CPNE4: variants seen among roughly 807,000 people sequenced by gnomAD.
CPNE4 encodes copine 4.
Under a neutral mutation model 67.9 loss-of-function variants are expected in CPNE4, and 25 were observed. The observed-to-expected ratio is 0.37, with a 90% CI of 0.27 to 0.51. CPNE4 has a LOEUF of 0.51. Among genes scored for constraint, CPNE4 ranks in the 20% least tolerant of loss-of-function variants. CPNE4 has a pLI of 0.93. For missense variants in CPNE4, 464 were observed against 690.8 expected (o/e 0.67, Z 3.68); for synonymous variants, 242 against 244.9 (o/e 0.99, Z 0.11).
intron 2 of CPNE4, among the ~76,000 whole-genome samples, chr3:131,781,002 C>T (rs140025731): frequency 1.5e-3 from 228 of 152,094 alleles, no homozygotes; most frequent in African/African-American, 4.8e-3. Context: ...TGGTCATGAA[C>T]CTTGGCCATG....
At chr3:131,584,233 C>T (rs1938031014) in intron 8 of CPNE4, among the ~76,000 whole-genome samples, 2 of 152,070 alleles carry the variant, frequency 1.3e-5, no homozygotes, top group Non-Finnish European at 2.9e-5. Flanking sequence ...TGTACTCATC[C>T]ATTCTCTTGA....
At chr3:131,860,825 T>C (rs2086648210) in intron 2 of CPNE4, among the ~76,000 whole-genome samples, 1 of 152,248 alleles carries the variant, frequency 6.6e-6, no homozygotes, top group African/African-American at 2.4e-5. Flanking sequence ...ACACAGAAGA[T>C]ACTCACAACT....
chr3:131,637,774 A>C (rs1176771591), intron 7 of CPNE4, among the ~76,000 whole-genome samples: 2 of 152,150 alleles, frequency 1.3e-5, no homozygotes, highest in African/African-American at 2.4e-5. Context: ...GAATATTAAG[A>C]ACTGTGAGGC....
chr3:131,953,292 C>G (rs2071835764), intron 1 of CPNE4, among the ~76,000 whole-genome samples: 1 of 138,340 alleles, frequency 7.2e-6, no homozygotes, highest in Admixed American at 7.3e-5. Context: ...GCATCCTTGT[C>G]TTTTTCCAGT....
chr3:131,730,402 G>A (rs1298082023), intron 2 of CPNE4, among the ~76,000 whole-genome samples: 1 of 152,110 alleles, frequency 6.6e-6, no homozygotes, highest in Non-Finnish European at 1.5e-5. Context: ...GAAAAGTAGT[G>A]GCAAAGGTAA....
intron 7 of CPNE4, among the ~76,000 whole-genome samples, chr3:131,652,262 T>C (rs1220908539): frequency 6.6e-6 from 1 of 152,234 alleles, no homozygotes; most frequent in African/African-American, 2.4e-5. Context: ...CAGCCTTCTC[T>C]ATCAGTTTAG....
At chr3:131,852,970 A>C (rs1450821611) in intron 2 of CPNE4, among the ~76,000 whole-genome samples, 1 of 151,850 alleles carries the variant, frequency 6.6e-6, no homozygotes, top group Non-Finnish European at 1.5e-5. Context: ...TAAATATTTT[A>C]AATAAAAATG....
At chr3:131,651,420 A>G (rs1039598910) in intron 7 of CPNE4, among the ~76,000 whole-genome samples, 3 of 152,242 alleles carry the variant, frequency 2.0e-5, no homozygotes, top group Non-Finnish European at 4.4e-5. Context: ...ATTACTGAAG[A>G]TGATAGATAA....
chr3:132,031,188 G>A (rs541685770), intron 1 of CPNE4, among the ~76,000 whole-genome samples: 18 of 152,296 alleles, frequency 1.2e-4, no homozygotes, highest in Middle Eastern at 3.4e-3. Flanking sequence ...ATGCACCAAA[G>A]AATGGTCTTG....
chr3:131,997,070 G>A (rs887860642), intron 1 of CPNE4, among the ~76,000 whole-genome samples: 3 of 151,970 alleles, frequency 2.0e-5, no homozygotes, highest in Non-Finnish European at 4.4e-5. Flanking sequence ...CCTAACTCAG[G>A]TATAGTAAAA....
At chr3:131,960,745 T>A (rs1010247116) in intron 1 of CPNE4, among the ~76,000 whole-genome samples, 1 of 152,124 alleles carries the variant, frequency 6.6e-6, no homozygotes, top group Non-Finnish European at 1.5e-5. Context: ...GTTAATGCAG[T>A]TTCCACATCC....
At chr3:131,894,526 A>T (rs1190252120) in intron 2 of CPNE4, among the ~76,000 whole-genome samples, 1 of 151,974 alleles carries the variant, frequency 6.6e-6, no homozygotes, top group African/African-American at 2.4e-5. Context: ...AACATTAAAA[A>T]AAATAACGTG....
chr3:131,565,513 T>TAAG (rs1358600952), intron 10 of CPNE4, among the ~76,000 whole-genome samples: 1 of 151,962 alleles, frequency 6.6e-6, no homozygotes, highest in Non-Finnish European at 1.5e-5. Context: ...CACGTGTGTG[T>TAAG]TTGTGTTTCT....
intron 9 of CPNE4, among the ~76,000 whole-genome samples, chr3:131,578,449 G>A (rs1052135850): frequency 2.0e-5 from 3 of 151,982 alleles, no homozygotes; most frequent in Admixed American, 6.6e-5. Flanking sequence ...TTGAAATGAG[G>A]CCAGTTAATA....
intron 1 of CPNE4, among the ~76,000 whole-genome samples, chr3:131,991,893 G>C (rs2073182742): frequency 7.3e-6 from 1 of 136,386 alleles, no homozygotes; most frequent in African/African-American, 2.5e-5. Flanking sequence ...AGGTCAGGCT[G>C]TGGCTTCAGA....
At chr3:131,851,014 C>A (rs1392712732) in intron 2 of CPNE4, among the ~76,000 whole-genome samples, 1 of 152,104 alleles carries the variant, frequency 6.6e-6, no homozygotes, top group Non-Finnish European at 1.5e-5. Context: ...AACATAAGAA[C>A]CTTCACTGCA....
At chr3:131,983,008 C>T (rs1015497992) in intron 1 of CPNE4, among the ~76,000 whole-genome samples, 7 of 151,984 alleles carry the variant, frequency 4.6e-5, no homozygotes, top group African/African-American at 1.7e-4. Context: ...CATTTAATTA[C>T]TTCATCATTT....
chr3:131,801,452 G>GTATATATATATATATATATATATA (rs71136416), intron 2 of CPNE4, among the ~76,000 whole-genome samples: 2 of 53,382 alleles, frequency 3.7e-5, no homozygotes, highest in African/African-American at 7.8e-5. Flanking sequence ...GTGTGTGTGT[G>GTATATATATATATATATATATATA]TATATATATA....
chr3:131,954,491 G>A (rs1175368388), intron 1 of CPNE4, among the ~76,000 whole-genome samples: 1 of 151,116 alleles, frequency 6.6e-6, no homozygotes, highest in African/African-American at 2.5e-5. Context: ...ACTGGTAGAA[G>A]AACTCTTTTT....
Sources: allele counts gnomAD v4.1 joint callset (sites outside exome capture counted in the v4.1 genomes callset), GRCh38; gene constraint gnomAD v4.1.1; transcripts MANE v1.5; gene names NCBI Gene and HGNC (gene_info 2026-07-23, HGNC 2026-07-21).